The following GPC5 variants were observed in gnomAD, a reference collection of about 807,000 sequenced individuals.
GPC5 encodes glypican-5.
A neutral mutation model predicts 53.9 loss-of-function variants in GPC5; 47 were observed. The observed-to-expected ratio is 0.87, with a 90% CI of 0.69 to 1.11. The LOEUF is 1.11. Among genes scored for constraint, GPC5 ranks in the 50% most tolerant of loss-of-function variants. The probability of loss-of-function intolerance (pLI) is 0.00; values close to 1 mark genes in which losing one functional copy is unlikely to be tolerated. For synonymous variants in GPC5, 286 were observed against 263.3 expected (o/e 1.09, Z -0.84); for missense variants, 748 against 713.1 (o/e 1.05, Z -0.56).
chr13:91,889,846 C>T (rs761348354), intron 5 of GPC5, among the ~76,000 whole-genome samples: 15 of 152,112 alleles, frequency 9.9e-5, no homozygotes, highest in East Asian at 1.9e-4. Context: ...CAAATGATTG[C>T]ACAATTCATA....
rs193269062 is a variant in GPC5, at chr13:91,412,721, C to G, written c.163+13512C>G. 7.2e-5 allele frequency among the ~76,000 whole-genome samples: 11 copies of G among 152,252 alleles called. No individual in the cohort carries two copies. The East Asian group carries it at 2.1e-3, about 29-fold the overall frequency. ...CTAATGTTCCTGTGACTGTAGGAAA[C>G]AGAGCATTCTCATCTACAAACACTG... On this transcript the variant is annotated intron_variant, in intron 1 of 7. Transcript: ENST00000377067.
At chr13:91,453,580 A>G (rs1295519262) in intron 2 of GPC5, among the ~76,000 whole-genome samples, 1 of 152,050 alleles carries the variant, frequency 6.6e-6, no homozygotes, top group Non-Finnish European at 1.5e-5. Context: ...TATTTTTAAC[A>G]TTAAGAATTA....
chr13:91,493,280 G>A lies in GPC5; in HGVS notation c.325+44358G>A, dbSNP rs1281810027. 2.6e-5 allele frequency among the ~76,000 whole-genome samples: 4 copies of A among 152,180 alleles called. No individual in the cohort carries two copies. In the South Asian group the frequency reaches 6.2e-4, roughly 24 times the overall value. ...AAATATTTTGATACAGGCATGTAATGTATAATAATCACATCATGGAAAATG... is the reference window on the plus strand; with the variant it reads ...AAATATTTTGATACAGGCATGTAATATATAATAATCACATCATGGAAAATG... On this transcript the variant is annotated intron_variant, in intron 2 of 7. Coordinates refer to ENST00000377067, the MANE Select transcript of GPC5 (RefSeq NM_004466.6).
chr13:91,399,970 G>A (rs1876808970), intron 1 of GPC5, among the ~76,000 whole-genome samples: 1 of 152,174 alleles, frequency 6.6e-6, no homozygotes, highest in African/African-American at 2.4e-5. Context: ...TGCTTCCTGT[G>A]AGCGCCTTTT....
chr13:92,031,711 T>A (rs1266904773), intron 6 of GPC5, among the ~76,000 whole-genome samples: 1 of 61,798 alleles, frequency 1.6e-5, no homozygotes, highest in Non-Finnish European at 3.0e-5. Flanking sequence ...ATTATATATA[T>A]TACATATATG....
chr13:91,586,898 A>G (rs2032617852), intron 2 of GPC5, among the ~76,000 whole-genome samples: 1 of 152,036 alleles, frequency 6.6e-6, no homozygotes, highest in African/African-American at 2.4e-5. Context: ...AAAAATGTAA[A>G]TACATTTAGA....
At chr13:91,625,092 A>G (rs561601142) in intron 2 of GPC5, among the ~76,000 whole-genome samples, 4 of 152,086 alleles carry the variant, frequency 2.6e-5, no homozygotes, top group Admixed American at 6.6e-5. Context: ...GAAAATCAAT[A>G]AGAACCCTGT....
intron 1 of GPC5, among the ~76,000 whole-genome samples, chr13:91,445,220 A>G (rs1437771643): frequency 2.6e-5 from 4 of 152,278 alleles, no homozygotes; most frequent in East Asian, 1.9e-4. Flanking sequence ...CCAGATTGCT[A>G]GTATTATTAC....
At chr13:92,756,805 C>T (rs1426154363) in intron 7 of GPC5, among the ~76,000 whole-genome samples, 1 of 150,270 alleles carries the variant, frequency 6.7e-6, no homozygotes, top group South Asian at 2.1e-4. Context: ...AGGAGAACTA[C>T]AAATCACTGC....
chr13:92,020,085 TG>T (rs2138789061), intron 6 of GPC5, among the ~76,000 whole-genome samples: 1 of 152,228 alleles, frequency 6.6e-6, no homozygotes, highest in East Asian at 1.9e-4. Context: ...TCTCATAGTC[TG>T]CTTTCTTCAT....
chr13:91,976,830 A>G (rs2040307124), intron 6 of GPC5, among the ~76,000 whole-genome samples: 2 of 152,126 alleles, frequency 1.3e-5, no homozygotes, highest in Admixed American at 6.5e-5. Flanking sequence ...ACTTGAGGTC[A>G]GGAGTTTGAG....
intron 2 of GPC5, among the ~76,000 whole-genome samples, chr13:91,529,367 G>T (rs1230965871): frequency 6.6e-6 from 1 of 152,020 alleles, no homozygotes; most frequent in African/African-American, 2.4e-5. Flanking sequence ...ATCTTAAAGA[G>T]AAAATAAGGA....
At chr13:92,638,106 A>G (rs1282616950) in intron 7 of GPC5, among the ~76,000 whole-genome samples, 1 of 152,190 alleles carries the variant, frequency 6.6e-6, no homozygotes, top group Non-Finnish European at 1.5e-5. Flanking sequence ...TCAGTGGCCT[A>G]TTATAAGGGT....
chr13:92,488,932 CT>C (rs1222981530), intron 7 of GPC5, among the ~76,000 whole-genome samples: 1 of 152,034 alleles, frequency 6.6e-6, no homozygotes, highest in Non-Finnish European at 1.5e-5. Context: ...TTAGAAAGGG[CT>C]TTTTTAACAA....
intron 7 of GPC5, among the ~76,000 whole-genome samples, chr13:92,672,324 C>T (rs1308196652): frequency 6.6e-6 from 1 of 152,024 alleles, no homozygotes; most frequent in African/African-American, 2.4e-5. Context: ...AAATCAAGAC[C>T]ACAGTAAGAT....
At chr13:92,052,709 G>C (rs1335016223) in intron 6 of GPC5, among the ~76,000 whole-genome samples, 1 of 152,150 alleles carries the variant, frequency 6.6e-6, no homozygotes, top group Non-Finnish European at 1.5e-5. Context: ...AGTTTTCCAA[G>C]TCCCCACTTG....
chr13:92,823,588 C>T (rs1052319353), intron 7 of GPC5, among the ~76,000 whole-genome samples: 1 of 151,860 alleles, frequency 6.6e-6, no homozygotes, highest in African/African-American at 2.4e-5. Flanking sequence ...AAGCAAAATC[C>T]CCTTTAAAAT....
chr13:91,667,153 A>G (rs1467339845), intron 2 of GPC5, among the ~76,000 whole-genome samples: 1 of 152,120 alleles, frequency 6.6e-6, no homozygotes, highest in Non-Finnish European at 1.5e-5. Flanking sequence ...TTATGATGTG[A>G]TCATGTTGAT....
At chr13:92,662,234 C>G (rs1437554894) in intron 7 of GPC5, among the ~76,000 whole-genome samples, 1 of 152,128 alleles carries the variant, frequency 6.6e-6, no homozygotes. Context: ...CCCACTCTTT[C>G]TCTCTTTCCC....
Sources: gnomAD v4.1 joint callset for allele counts (sites outside exome capture counted in the v4.1 genomes callset) on GRCh38, gnomAD v4.1.1 for gene constraint, MANE v1.5 for transcripts, NCBI Gene and HGNC (gene_info 2026-07-23, HGNC 2026-07-21) for gene names.